BACH2: variants seen among roughly 807,000 people sequenced by gnomAD.
The protein encoded by BACH2 is transcription regulator protein BACH2.
Under a neutral mutation model 61.8 loss-of-function variants are expected in BACH2, and 5 were observed. The ratio of observed to expected loss-of-function variants is 0.08; its 90% confidence interval spans 0.04 to 0.17. BACH2 has a LOEUF of 0.17. Among genes scored for constraint, BACH2 ranks in the 10% least tolerant of loss-of-function variants. The pLI is 1.00. For synonymous variants in BACH2, 446 were observed against 440.1 expected (o/e 1.01, Z -0.17); for missense variants, 824 against 1,091.1 (o/e 0.76, Z 3.45).
intron 4 of BACH2, among the ~76,000 whole-genome samples, chr6:90,182,925 G>A (rs1415952786): frequency 1.3e-5 from 2 of 152,132 alleles, no homozygotes; most frequent in Non-Finnish European, 2.9e-5. Context: ...TTCAGGGGGC[G>A]CATGTGCAGG....
Position 89,954,517 on chromosome 6 carries a change from ATTT to A in BACH2, c.244-2658_244-2656del, listed in dbSNP as rs35054443. Among the ~76,000 whole-genome samples the A allele has an allele frequency of 4.5e-4, 51 of 114,462 alleles. No individual in the cohort carries two copies. The South Asian group carries it at 0.012, about 27-fold the overall frequency. The allele number at this position is 114,462 out of a possible 152,430, so 75.1% of individuals were successfully genotyped here. A position where few individuals can be genotyped will look rare whatever the true frequency, so the allele number is the denominator to read the frequency against. ...TTCTCATACTCCCATCCTTATCACCATTTTTTTTTTTTTTGATGCTGTAGGTCT... is the reference window on the plus strand; with the variant it reads ...TTCTCATACTCCCATCCTTATCACCATTTTTTTTTTTGATGCTGTAGGTCT... On this transcript the variant is annotated intron_variant, in intron 6 of 8. Transcript: ENST00000257749.
intron 6 of BACH2, among the ~76,000 whole-genome samples, chr6:89,970,795 A>C (rs1277394413): frequency 6.6e-6 from 1 of 152,160 alleles, no homozygotes; most frequent in African/African-American, 2.4e-5. Flanking sequence ...TTCTAGGAAT[A>C]TGCTCTGGCT....
At chr6:90,154,351 C>A (rs1784921591) in intron 4 of BACH2, among the ~76,000 whole-genome samples, 1 of 152,054 alleles carries the variant, frequency 6.6e-6, no homozygotes. Flanking sequence ...TCAAAAAGAT[C>A]AATTTTTAGG....
chr6:90,018,313 TATC>T (rs1010239879), intron 5 of BACH2, among the ~76,000 whole-genome samples: 2 of 152,184 alleles, frequency 1.3e-5, no homozygotes, highest in Non-Finnish European at 2.9e-5. Flanking sequence ...TGAACTCTAT[TATC>T]ATCTTTCCAG....
chr6:90,288,549 C>T (rs571368447), intron 1 of BACH2, among the ~76,000 whole-genome samples: 1 of 152,200 alleles, frequency 6.6e-6, no homozygotes, highest in East Asian at 1.9e-4. Flanking sequence ...AGAGCTGAGT[C>T]AGCATTCTAA....
At chr6:90,117,006 A>G (rs1052987487) in intron 4 of BACH2, 3 of 364,514 alleles carry the variant, frequency 8.2e-6, no homozygotes, top group African/African-American at 4.3e-5. Context: ...GCACAGATGA[A>G]TAATATTTCC....
intron 6 of BACH2, among the ~76,000 whole-genome samples, chr6:89,957,532 G>A (rs984134516): frequency 5.9e-5 from 9 of 151,946 alleles, no homozygotes; most frequent in Non-Finnish European, 8.8e-5. Flanking sequence ...ATCTGGCCTC[G>A]TATTAATTTT....
At chr6:89,989,875 G>C (rs186117730) in intron 6 of BACH2, among the ~76,000 whole-genome samples, 2 of 152,214 alleles carry the variant, frequency 1.3e-5, no homozygotes, top group African/African-American at 4.8e-5. Flanking sequence ...AGCTGCCAGA[G>C]CCTGCTCTTG....
At chr6:90,294,333 A>G (rs1772269899) in intron 1 of BACH2, among the ~76,000 whole-genome samples, 1 of 152,232 alleles carries the variant, frequency 6.6e-6, no homozygotes, top group Non-Finnish European at 1.5e-5. Context: ...TCTAACAAAA[A>G]TACTTTATTC....
intron 3 of BACH2, among the ~76,000 whole-genome samples, chr6:90,236,156 C>T (rs999947358): frequency 6.6e-5 from 10 of 152,236 alleles, no homozygotes; most frequent in African/African-American, 2.4e-4. Context: ...TAACTCATTC[C>T]TTCATTCATT....
chr6:90,236,645 CTG>C (rs2127862518), intron 3 of BACH2, among the ~76,000 whole-genome samples: 2 of 152,196 alleles, frequency 1.3e-5, no homozygotes, highest in African/African-American at 4.8e-5. Flanking sequence ...AAAGAGTTTC[CTG>C]TGTTTGTCCA....
chr6:89,978,519 C>G (rs1027527027), intron 6 of BACH2, among the ~76,000 whole-genome samples: 3 of 151,038 alleles, frequency 2.0e-5, no homozygotes, highest in Admixed American at 2.0e-4. Context: ...GCCTAGAGAG[C>G]GAACTCTGCA....
chr6:90,028,956 C>A (rs1385789298), intron 5 of BACH2, among the ~76,000 whole-genome samples: 3 of 152,182 alleles, frequency 2.0e-5, no homozygotes, highest in Non-Finnish European at 1.5e-5. Context: ...TTCATTAATT[C>A]ACCAATTTAA....
At chr6:90,196,568 A>G (rs1229036248) in intron 4 of BACH2, among the ~76,000 whole-genome samples, 1 of 152,202 alleles carries the variant, frequency 6.6e-6, no homozygotes, top group African/African-American at 2.4e-5. Flanking sequence ...TAGAGCTGTC[A>G]CAGCAAATTG....
At chr6:90,114,771 A>G (rs1783320830) in intron 4 of BACH2, among the ~76,000 whole-genome samples, 1 of 152,152 alleles carries the variant, frequency 6.6e-6, no homozygotes, top group African/African-American at 2.4e-5. Context: ...AAAACCCTAT[A>G]GTCTCGGCCC....
At chr6:90,151,700 C>CGACGAA (rs2127830086) in intron 4 of BACH2, among the ~76,000 whole-genome samples, 1 of 152,356 alleles carries the variant, frequency 6.6e-6, no homozygotes, top group South Asian at 2.1e-4. Context: ...TTGACTACCA[C>CGACGAA]ATCTTGCAGA....
intron 4 of BACH2, among the ~76,000 whole-genome samples, chr6:90,150,460 C>G (rs915405342): frequency 6.6e-6 from 1 of 152,214 alleles, no homozygotes; most frequent in African/African-American, 2.4e-5. Context: ...CATCTACTAT[C>G]TAACACTTAT....
intron 5 of BACH2, among the ~76,000 whole-genome samples, chr6:90,032,684 C>G (rs1030063236): frequency 2.6e-5 from 4 of 152,040 alleles, no homozygotes; most frequent in Admixed American, 1.3e-4. Context: ...TTAGAATGGC[C>G]ATCATTAAAA....
At chr6:90,170,593 A>G (rs1456847015) in intron 4 of BACH2, among the ~76,000 whole-genome samples, 1 of 152,216 alleles carries the variant, frequency 6.6e-6, no homozygotes, top group Non-Finnish European at 1.5e-5. Flanking sequence ...TTGAACATTA[A>G]TATTTATACA....
Sources: gnomAD v4.1 joint callset for allele counts (sites outside exome capture counted in the v4.1 genomes callset) on GRCh38, gnomAD v4.1.1 for gene constraint, MANE v1.5 for transcripts, NCBI Gene and HGNC (gene_info 2026-07-23, HGNC 2026-07-21) for gene names.